The following GALNTL6 variants were observed in gnomAD, a reference collection of about 807,000 sequenced individuals.
GALNTL6 encodes polypeptide N-acetylgalactosaminyltransferase-like 6.
Under a neutral mutation model 73.7 loss-of-function variants are expected in GALNTL6, and 46 were observed. That is an observed-to-expected ratio of 0.62 (90% CI 0.49 to 0.80). GALNTL6 has a LOEUF of 0.80. Ranked by LOEUF, GALNTL6 falls within the 30% of genes least tolerant of loss-of-function variation. The pLI is 0.00. For missense variants in GALNTL6, 604 were observed against 755.0 expected (o/e 0.80, Z 2.34); for synonymous variants, 259 against 263.7 (o/e 0.98, Z 0.17).
chr4:172,359,576 T>A (rs1742292270), intron 5 of GALNTL6, among the ~76,000 whole-genome samples: 1 of 152,174 alleles, frequency 6.6e-6, no homozygotes, highest in Non-Finnish European at 1.5e-5. Context: ...AGACTTGGTT[T>A]GTTAAGTTTT....
At position 172,956,028 on chromosome 4, in the gene GALNTL6, A is replaced by G. The variant is rs532090628; in HGVS notation, c.1371+3770A>G. ...GGATGTGTACGTGCAGGTCACAGGG[A>G]ATATGATGGCTTAGCTTTGGCTCAG... On this transcript the variant is annotated intron_variant, in intron 10 of 12. Transcript: ENST00000506823. Among the ~76,000 whole-genome samples the G allele has an allele frequency of 7.3e-3, 1,105 of 152,252 alleles. 14 individuals carry two copies. Among genetic ancestry groups the G allele is most frequent in the African/African-American group, 0.023 (968 of 41,548 alleles).
Position 171,962,765 on chromosome 4 carries a change from C to CTTTTTTTTTTTT in GALNTL6, c.138+148054_138+148065dup, listed in dbSNP as rs139917729. Among the ~76,000 whole-genome samples the CTTTTTTTTTTTT allele has an allele frequency of 1.9e-4, 22 of 113,802 alleles. 1 individual carries two copies. The highest frequency in any genetic ancestry group is 2.7e-4 in the East Asian group (1 of 3,766). 74.7% of individuals were successfully genotyped at this position (113,802 alleles called of 152,430 possible). Reference sequence around the variant, plus strand: ...TACTTTCTTAATAAGCTTGCTTTTACTTTTTTTTTTTTTTTTTTGTGAGAT... The same window carrying CTTTTTTTTTTTT: ...TACTTTCTTAATAAGCTTGCTTTTACTTTTTTTTTTTTTTTTTTTTTTTTTTTTTTGTGAGAT... On this transcript the variant is annotated intron_variant, in intron 2 of 12. Coordinates refer to ENST00000506823, the MANE Select transcript of GALNTL6 (RefSeq NM_001034845.3).
chr4:172,478,873 AAAG>A (rs1315531150), intron 5 of GALNTL6, among the ~76,000 whole-genome samples: 21 of 152,184 alleles, frequency 1.4e-4, no homozygotes, highest in South Asian at 2.1e-4. Flanking sequence ...ACAGTTCTCA[AAAG>A]AAGATGTACA....
At chr4:171,859,289 T>G in intron 2 of GALNTL6, among the ~76,000 whole-genome samples, 1 of 152,336 alleles carries the variant, frequency 6.6e-6, no homozygotes, top group Middle Eastern at 3.4e-3. Context: ...ATGCTTATTG[T>G]GTTATTTATA....
At chr4:172,807,097 T>C (rs1240389540) in intron 5 of GALNTL6, among the ~76,000 whole-genome samples, 2 of 152,162 alleles carry the variant, frequency 1.3e-5, no homozygotes, top group East Asian at 1.9e-4. Context: ...AGAGTAAAGC[T>C]ACAGTCTTAC....
chr4:172,359,824 C>A (rs1279915874), intron 5 of GALNTL6, among the ~76,000 whole-genome samples: 2 of 152,210 alleles, frequency 1.3e-5, no homozygotes, highest in African/African-American at 4.8e-5. Flanking sequence ...CATTCTACTT[C>A]TCTGTGAAAG....
chr4:172,463,367 C>T (rs1168962482), intron 5 of GALNTL6, among the ~76,000 whole-genome samples: 1 of 150,970 alleles, frequency 6.6e-6, no homozygotes, highest in Non-Finnish European at 1.5e-5. Context: ...TAAGTAAAAC[C>T]TGAAGGAAGA....
intron 5 of GALNTL6, among the ~76,000 whole-genome samples, chr4:172,723,304 GTATGA>G (rs933977009): frequency 6.3e-4 from 96 of 152,288 alleles, no homozygotes; most frequent in African/African-American, 2.2e-3. Context: ...ACTAACCACA[GTATGA>G]TATAATGAAA....
intron 5 of GALNTL6, among the ~76,000 whole-genome samples, chr4:172,523,387 C>A (rs1734849147): frequency 6.6e-6 from 1 of 152,206 alleles, no homozygotes; most frequent in East Asian, 1.9e-4. Flanking sequence ...TATTTTGAGA[C>A]AGAGTCTCAC....
At chr4:172,156,544 T>TATATATATATATATATATATA (rs1553997701) in intron 2 of GALNTL6, among the ~76,000 whole-genome samples, 3 of 67,948 alleles carry the variant, frequency 4.4e-5, no homozygotes, top group African/African-American at 7.8e-5. Flanking sequence ...ATATATAATA[T>TATATATATATATATATATATA]ATATATATAT....
intron 3 of GALNTL6, among the ~76,000 whole-genome samples, chr4:172,304,461 G>A (rs1390974531): frequency 2.6e-5 from 4 of 151,176 alleles, no homozygotes; most frequent in Admixed American, 2.6e-4. Context: ...AGGTCCTGAT[G>A]TCCTGGGTAT....
At chr4:172,566,944 A>G (rs1246969545) in intron 5 of GALNTL6, among the ~76,000 whole-genome samples, 1 of 152,122 alleles carries the variant, frequency 6.6e-6, no homozygotes, top group African/African-American at 2.4e-5. Context: ...GCTTCTGACT[A>G]ACAAGAAAAA....
chr4:172,904,482 C>T (rs1746782499), intron 8 of GALNTL6, among the ~76,000 whole-genome samples: 1 of 152,166 alleles, frequency 6.6e-6, no homozygotes, highest in Non-Finnish European at 1.5e-5. Context: ...GCTGTCTCTT[C>T]TGGTTCTTGT....
rs191183859 is a variant in GALNTL6 at position 172,302,335 on chromosome 4, A to T, written c.248-9279A>T. On this transcript the variant is annotated intron_variant, in intron 3 of 12. Coordinates refer to ENST00000506823, the MANE Select transcript of GALNTL6 (RefSeq NM_001034845.3). ...AATTTCCTGGGTGAGGCAATGCCTC[A>T]CCCTGCTTTGGCTTAGGCCCAGTGC... Among the ~76,000 whole-genome samples, 5 of 151,350 alleles carry T rather than the reference A, an allele frequency of 3.3e-5. No individual in the cohort carries two copies. In the East Asian group the frequency reaches 9.7e-4, roughly 29 times the overall value.
At chr4:173,010,986 T>G (rs1179114331) in intron 11 of GALNTL6, among the ~76,000 whole-genome samples, 1 of 152,136 alleles carries the variant, frequency 6.6e-6, no homozygotes, top group Non-Finnish European at 1.5e-5. Flanking sequence ...AATGTAAAAG[T>G]TTTCCCATTT....
At chr4:172,391,245 AGT>A (rs1209868924) in intron 5 of GALNTL6, among the ~76,000 whole-genome samples, 1 of 152,152 alleles carries the variant, frequency 6.6e-6, no homozygotes, top group East Asian at 1.9e-4. Flanking sequence ...TTCCTTGAAG[AGT>A]GTCTTTGTGA....
intron 12 of GALNTL6, among the ~76,000 whole-genome samples, chr4:173,031,203 G>A (rs28540604): frequency 0.067 from 9,623 of 144,484 alleles, 500 homozygotes; most frequent in African/African-American, 0.15. Flanking sequence ...GCCTTAGCAG[G>A]TTATTCTGAT....
intron 2 of GALNTL6, among the ~76,000 whole-genome samples, chr4:172,200,493 C>T (rs1268831961): frequency 6.6e-6 from 1 of 152,116 alleles, no homozygotes; most frequent in Non-Finnish European, 1.5e-5. Flanking sequence ...TGGAATGAAA[C>T]AAACAAGTGG....
intron 5 of GALNTL6, among the ~76,000 whole-genome samples, chr4:172,535,171 C>G (rs2110857655): frequency 6.6e-6 from 1 of 152,172 alleles, no homozygotes; most frequent in South Asian, 2.1e-4. Context: ...GTTAATAGAC[C>G]TGAAACAATA....
Sources: allele counts gnomAD v4.1 joint callset (sites outside exome capture counted in the v4.1 genomes callset), GRCh38; gene constraint gnomAD v4.1.1; transcripts MANE v1.5; gene names NCBI Gene and HGNC (gene_info 2026-07-23, HGNC 2026-07-21).